DSTN: variants seen among roughly 807,000 people sequenced by gnomAD.
DSTN encodes destrin, actin depolymerizing factor.
DSTN carries 10 observed loss-of-function variants against 16.8 expected under a neutral mutation model. The observed-to-expected ratio is 0.60, with a 90% CI of 0.37 to 1.01. The LOEUF (loss-of-function observed/expected upper bound fraction) is 1.01. DSTN is among the 50% of genes least tolerant of loss of function. The pLI, the probability that DSTN is intolerant of heterozygous loss-of-function variation, is 0.01. For synonymous variants in DSTN, 57 were observed against 58.9 expected, an observed-to-expected ratio of 0.97 and a Z score of 0.14; for missense variants, 141 against 196.7, an observed-to-expected ratio of 0.72 and a Z score of 1.69.
intron 1 of DSTN, among the ~76,000 whole-genome samples, chr20:17,582,023 G>C (rs118119620): frequency 0.048 from 7,195 of 151,242 alleles, 235 homozygotes; most frequent in Middle Eastern, 0.08. Flanking sequence ...GTTGTTGTAG[G>C]CTCTAGAGAT....
rs2122219090 is a variant in DSTN, at chr20:17,609,829, AAT to A, written c.*2686_*2687del. On this transcript the variant is annotated 3_prime_UTR_variant, in exon 4 of 4. Transcript: ENST00000246069. Reference sequence around the variant, plus strand: ...TTCACAAATGCTAACACACTGCAAAAATATGTTTGTGGAAAGCTGACTTAGTC... The same window carrying A: ...TTCACAAATGCTAACACACTGCAAAAATGTTTGTGGAAAGCTGACTTAGTC... 1 of 139,102 alleles carries A rather than the reference AAT, an allele frequency of 7.2e-6. No homozygotes were observed. The highest frequency in any genetic ancestry group is 2.2e-4 in the South Asian group (1 of 4,460). The allele number at this position is 139,102 out of a possible 1,614,324, so 8.6% of individuals were successfully genotyped here.
intron 1 of DSTN, among the ~76,000 whole-genome samples, chr20:17,574,874 T>TTTG (rs1555807899): frequency 8.7e-6 from 1 of 114,514 alleles, no homozygotes; most frequent in African/African-American, 3.7e-5. Context: ...TCTTTTGTTT[T>TTTG]TTTTTTTTTT....
chr20:17,597,660 G>C (rs576790228), intron 1 of DSTN, among the ~76,000 whole-genome samples: 1 of 152,210 alleles, frequency 6.6e-6, no homozygotes, highest in Non-Finnish European at 1.5e-5. Flanking sequence ...ACATTATTTA[G>C]TTCCTAAGTG....
intron 1 of DSTN, among the ~76,000 whole-genome samples, chr20:17,572,928 C>G (rs2035223685): frequency 6.6e-6 from 1 of 152,192 alleles, no homozygotes; most frequent in South Asian, 2.1e-4. Flanking sequence ...CATCCCACTC[C>G]CTTCCCTCCC....
chr20:17,596,821 ATC>A (rs1377626966), intron 1 of DSTN: 1 of 985,180 alleles, frequency 1.0e-6, no homozygotes, highest in Non-Finnish European at 1.2e-6. Flanking sequence ...GCTGAGATTT[ATC>A]TGTTTTATAA....
intron 2 of DSTN, among the ~76,000 whole-genome samples, chr20:17,603,294 C>A (rs1208835480): frequency 6.6e-6 from 1 of 152,066 alleles, no homozygotes; most frequent in South Asian, 2.1e-4. Flanking sequence ...TTAGCTATAC[C>A]GTAATATCTT....
chr20:17,597,074 A>C (rs140474108), intron 1 of DSTN, among the ~76,000 whole-genome samples: 1 of 152,288 alleles, frequency 6.6e-6, no homozygotes, highest in East Asian at 1.9e-4. Context: ...CTAGTTCTTC[A>C]ATTTTTGTTG....
chr20:17,583,045 A>G (rs1190338474), intron 1 of DSTN, among the ~76,000 whole-genome samples: 1 of 152,242 alleles, frequency 6.6e-6, no homozygotes, highest in Non-Finnish European at 1.5e-5. Context: ...AAAGGATTTG[A>G]ATAGCTGTTT....
At chr20:17,585,637 A>G (rs1337327869) in intron 1 of DSTN, among the ~76,000 whole-genome samples, 1 of 152,168 alleles carries the variant, frequency 6.6e-6, no homozygotes, top group Non-Finnish European at 1.5e-5. Context: ...ATATATATGT[A>G]CACACACATA....
At chr20:17,591,884 A>C in intron 1 of DSTN, 1 of 985,262 alleles carries the variant, frequency 1.0e-6, no homozygotes, top group Non-Finnish European at 1.2e-6. Flanking sequence ...AATAAATTGC[A>C]GTTACTTTAA....
rs1600716889 is a variant in DSTN at position 17,609,067 on chromosome 20, G to C, written c.*1921G>C. ...AGTCTAGGGTGGGGAACATTTTAAT[G>C]TTGATCCACATGCCAGGTGTTTGTG... is the stretch of plus-strand genomic sequence containing the variant. On this transcript the variant is annotated 3_prime_UTR_variant, in exon 4 of 4. Transcript: ENST00000246069. The C allele has an allele frequency of 6.6e-6, 1 of 152,202 alleles. No homozygotes were observed. Among genetic ancestry groups the C allele is most frequent in the Non-Finnish European group, 1.5e-5 (1 of 68,044 alleles). 9.4% of individuals were successfully genotyped at this position (152,202 alleles called of 1,614,324 possible).
intron 1 of DSTN, among the ~76,000 whole-genome samples, chr20:17,592,602 T>C (rs959120950): frequency 6.6e-6 from 1 of 151,152 alleles, no homozygotes; most frequent in Admixed American, 6.6e-5. Flanking sequence ...TTATTATTTT[T>C]GCAGGCAAAA....
intron 1 of DSTN, 128 bp from the exon 2 acceptor site, chr20:17,600,610 T>C (rs967945488): frequency 8.7e-7 from 1 of 1,143,422 alleles, no homozygotes; most frequent in African/African-American, 1.6e-5. Context: ...CTCAAATTTC[T>C]AGTTTTTTAA....
chr20:17,605,580 C>G (rs1319173556), intron 3 of DSTN, among the ~76,000 whole-genome samples: 3 of 152,180 alleles, frequency 2.0e-5, no homozygotes, highest in Admixed American at 2.0e-4. Flanking sequence ...TTTCCCGAGC[C>G]TTGCTGCTGC....
intron 1 of DSTN, among the ~76,000 whole-genome samples, chr20:17,585,163 T>A (rs748088395): frequency 3.1e-4 from 47 of 152,154 alleles, no homozygotes; most frequent in Non-Finnish European, 5.1e-4. Flanking sequence ...TCTGGAAAAG[T>A]AGGTTGGTTT....
chr20:17,596,810 G>T, intron 1 of DSTN: 1 of 985,352 alleles, frequency 1.0e-6, no homozygotes, highest in Non-Finnish European at 1.2e-6. Flanking sequence ...AGCCAGATTT[G>T]GCTGAGATTT....
chr20:17,609,562 A>T lies in DSTN; in HGVS notation c.*2416A>T, dbSNP rs1600717069. 2 of 152,248 alleles carry T rather than the reference A, an allele frequency of 1.3e-5. No homozygotes were observed. Among genetic ancestry groups the T allele is most frequent in the African/African-American group, 4.8e-5 (2 of 41,468 alleles). 9.4% of individuals were successfully genotyped at this position (152,248 alleles called of 1,614,324 possible). A position where few individuals can be genotyped will look rare whatever the true frequency, so the allele number is the denominator to read the frequency against. On this transcript the variant is annotated 3_prime_UTR_variant, in exon 4 of 4. Coordinates refer to ENST00000246069, the MANE Select transcript of DSTN (RefSeq NM_006870.4). ...TTCTGTGGGAAGGATTTCAAACAGT[A>T]CAAAGGGATGTGATGTAAGCATCCA...
chr20:17,572,862 T>C (rs2035223093), intron 1 of DSTN, among the ~76,000 whole-genome samples: 2 of 152,220 alleles, frequency 1.3e-5, no homozygotes, highest in South Asian at 2.1e-4. Flanking sequence ...GGCTATCTTA[T>C]TGCCATATTT....
rs1185437194 is a variant in DSTN at position 17,608,765 on chromosome 20, A to G, written c.*1619A>G. On this transcript the variant is annotated 3_prime_UTR_variant, in exon 4 of 4. Transcript: ENST00000246069. ...ACATTTAAAATTTAGAAAATAGAGA[A>G]AAGGGAAATTATACATTGTCCTACC... 6.6e-6 allele frequency: 1 copy of G among 152,200 alleles called. No homozygotes were observed. Among genetic ancestry groups the G allele is most frequent in the Non-Finnish European group, 1.5e-5 (1 of 68,050 alleles). The allele number at this position is 152,200 out of a possible 1,614,324, so 9.4% of individuals were successfully genotyped here.
Sources: allele counts gnomAD v4.1 joint callset (sites outside exome capture counted in the v4.1 genomes callset), GRCh38; gene constraint gnomAD v4.1.1; transcripts MANE v1.5; gene names NCBI Gene and HGNC (gene_info 2026-07-23, HGNC 2026-07-21).